The following GLIS3 variants were observed in gnomAD, a reference collection of about 807,000 sequenced individuals.
GLIS3 encodes the protein zinc finger protein GLIS3.
A neutral mutation model predicts 78.6 loss-of-function variants in GLIS3; 53 were observed. The ratio of observed to expected loss-of-function variants is 0.67; its 90% CI spans 0.54 to 0.85. GLIS3 has a LOEUF of 0.85. Among genes scored for constraint, GLIS3 ranks in the 40% least tolerant of loss-of-function variants. The probability of loss-of-function intolerance (pLI) is 0.00; values close to 1 mark genes in which losing one functional copy is unlikely to be tolerated. For synonymous variants in GLIS3, 684 were observed against 509.9 expected (o/e 1.34, Z -4.60); for missense variants, 1,703 against 1,231.1 (o/e 1.38, Z -5.74).
chr9:3,993,744 G>C (rs1475011199), intron 4 of GLIS3, among the ~76,000 whole-genome samples: 1 of 152,070 alleles, frequency 6.6e-6, no homozygotes, highest in Non-Finnish European at 1.5e-5. Context: ...CATGATTTTA[G>C]CAAATGGCTA....
intron 2 of GLIS3, among the ~76,000 whole-genome samples, chr9:4,259,687 C>T (rs1007048842): frequency 2.0e-5 from 3 of 152,218 alleles, no homozygotes; most frequent in Non-Finnish European, 2.9e-5. Flanking sequence ...CTTAACCTAG[C>T]GAAGGAGGCA....
At chr9:4,400,368 T>C in the GLIS3 span, among the ~76,000 whole-genome samples, 2 of 150,406 alleles carry the variant, frequency 1.3e-5, no homozygotes, top group African/African-American at 5.0e-5. Flanking sequence ...CTTTATGAAG[T>C]TGTAAAAATA....
intron 4 of GLIS3, among the ~76,000 whole-genome samples, chr9:3,969,564 T>C (rs559222139): frequency 1.1e-3 from 160 of 152,334 alleles, no homozygotes; most frequent in Non-Finnish European, 1.8e-3. Context: ...ATATGGACCA[T>C]GAAGTGATTG....
At chr9:4,412,355 G>C in the GLIS3 span, among the ~76,000 whole-genome samples, 3 of 152,196 alleles carry the variant, frequency 2.0e-5, no homozygotes, top group Non-Finnish European at 4.4e-5. Flanking sequence ...TGGCGCCTAA[G>C]TTTAGATCTT....
intron 2 of GLIS3, among the ~76,000 whole-genome samples, chr9:4,192,931 G>C (rs1398414054): frequency 6.6e-6 from 1 of 152,350 alleles, no homozygotes; most frequent in East Asian, 1.9e-4. Flanking sequence ...GTGTGGACAG[G>C]ATACTGCAAG....
the GLIS3 span, among the ~76,000 whole-genome samples, chr9:4,467,889 GAA>G: frequency 2.0e-5 from 3 of 152,116 alleles, no homozygotes; most frequent in African/African-American, 4.8e-5. Context: ...TAAAAACCTT[GAA>G]AAAAGATTAG....
At chr9:4,322,824 TG>T (rs1226036480) in intron 2 of GLIS3, among the ~76,000 whole-genome samples, 1 of 152,218 alleles carries the variant, frequency 6.6e-6, no homozygotes, top group Admixed American at 6.5e-5. Context: ...CTGTGTCAGA[TG>T]GGTAGATTGC....
intron 4 of GLIS3, among the ~76,000 whole-genome samples, chr9:4,087,991 C>G (rs1829186220): frequency 6.6e-6 from 1 of 152,232 alleles, no homozygotes; most frequent in Non-Finnish European, 1.5e-5. Context: ...ACAGACTCCA[C>G]ATGTCATTCA....
intron 4 of GLIS3, among the ~76,000 whole-genome samples, chr9:4,093,064 T>C (rs1470061890): frequency 6.6e-6 from 1 of 152,184 alleles, no homozygotes; most frequent in African/African-American, 2.4e-5. Context: ...ACATAGCCAC[T>C]CTTTGACCAA....
intron 4 of GLIS3, among the ~76,000 whole-genome samples, chr9:4,048,133 C>G (rs184338831): frequency 6.6e-6 from 1 of 152,172 alleles, no homozygotes; most frequent in South Asian, 2.1e-4. Flanking sequence ...TGTGTTCACA[C>G]TGAATTTATC....
chr9:4,395,777 C>CTTTT, the GLIS3 span, among the ~76,000 whole-genome samples: 1 of 127,722 alleles, frequency 7.8e-6, no homozygotes, highest in Non-Finnish European at 1.7e-5. Flanking sequence ...TTCTTTTTTT[C>CTTTT]TTTTTTTTTT....
the GLIS3 span, among the ~76,000 whole-genome samples, chr9:4,415,044 A>C: frequency 6.6e-6 from 1 of 152,194 alleles, no homozygotes; most frequent in Non-Finnish European, 1.5e-5. Flanking sequence ...AAACTGTTTG[A>C]ACTGCTTCAA....
At chr9:4,270,882 CTGTGTGGTGTGTG>C (rs1177157647) in intron 2 of GLIS3, among the ~76,000 whole-genome samples, 18 of 148,110 alleles carry the variant, frequency 1.2e-4, no homozygotes, top group African/African-American at 4.1e-4. Context: ...CTCTCTCAAT[CTGTGTGGTGTGTG>C]TGTGTGTGTG....
chr9:4,256,998 T>A (rs956476628), intron 2 of GLIS3, among the ~76,000 whole-genome samples: 2 of 152,182 alleles, frequency 1.3e-5, no homozygotes, highest in African/African-American at 4.8e-5. Context: ...ACATACATAT[T>A]AACACATATA....
chr9:4,216,931 TAA>T (rs761665670), intron 2 of GLIS3, among the ~76,000 whole-genome samples: 1 of 152,162 alleles, frequency 6.6e-6, no homozygotes, highest in Non-Finnish European at 1.5e-5. Context: ...CACAATAGCC[TAA>T]GAGCACAGAG....
chr9:4,312,525 G>A (rs533980258), intron 2 of GLIS3, among the ~76,000 whole-genome samples: 27 of 152,338 alleles, frequency 1.8e-4, no homozygotes, highest in African/African-American at 5.3e-4. Flanking sequence ...GAGCATGCAT[G>A]TACATACATG....
At chr9:4,309,814 G>A (rs970690903) in intron 3 of GLIS3, among the ~76,000 whole-genome samples, 1 of 151,966 alleles carries the variant, frequency 6.6e-6, no homozygotes, top group Non-Finnish European at 1.5e-5. Context: ...GCTTAGAAGC[G>A]CTGGGATAAC....
chr9:4,377,430 G>A, the GLIS3 span, among the ~76,000 whole-genome samples: 15 of 135,580 alleles, frequency 1.1e-4, 4 homozygotes, highest in East Asian at 3.1e-3. Context: ...GGGCTCTCAG[G>A]CCTTTGGCCA....
chr9:4,329,667 T>A (rs2130563002), intron 2 of GLIS3, among the ~76,000 whole-genome samples: 1 of 152,218 alleles, frequency 6.6e-6, no homozygotes, highest in East Asian at 1.9e-4. Flanking sequence ...GAGAGAAATT[T>A]AAAATTCATC....
Sources: allele counts gnomAD v4.1 joint callset (sites outside exome capture counted in the v4.1 genomes callset), GRCh38; gene constraint gnomAD v4.1.1; transcripts MANE v1.5; gene names NCBI Gene and HGNC (gene_info 2026-07-23, HGNC 2026-07-21).